The following LAMB4 variants were observed in gnomAD, a reference collection of about 807,000 sequenced individuals.
LAMB4 encodes the protein laminin subunit beta-4.
Under a neutral mutation model 199.2 loss-of-function variants are expected in LAMB4, and 196 were observed. The ratio of observed to expected loss-of-function variants is 0.98; its 90% CI spans 0.88 to 1.11. The LOEUF is 1.11. Ranked by LOEUF, LAMB4 falls within the 50% of genes least tolerant of loss-of-function variation. The pLI is 0.00. For missense variants in LAMB4, 2,080 were observed against 2,171.2 expected (o/e 0.96, Z 0.83); for synonymous variants, 744 against 770.6 (o/e 0.97, Z 0.57).
intron 12 of LAMB4, 53 bp downstream of exon 12, chr7:108,095,175 G>T: frequency 1.5e-6 from 2 of 1,318,768 alleles, no homozygotes; most frequent in Non-Finnish European, 2.2e-6. Context: ...CTAGGCAATG[G>T]CAATAGAAAT....
At chr7:108,081,516 T>C (rs2036941178) in intron 14 of LAMB4, among the ~76,000 whole-genome samples, 1 of 152,220 alleles carries the variant, frequency 6.6e-6, no homozygotes, top group Non-Finnish European at 1.5e-5. Context: ...AACATTTCCT[T>C]AATAAATCAC....
chr7:108,012,089 T>G, the LAMB4 span, among the ~76,000 whole-genome samples: 9 of 149,940 alleles, frequency 6.0e-5, no homozygotes, highest in Admixed American at 1.3e-4. Flanking sequence ...TATAAACACA[T>G]ATGAATAAAG....
chr7:108,127,188 T>C (rs1563118272), intron 1 of LAMB4, among the ~76,000 whole-genome samples: 1 of 63,800 alleles, frequency 1.6e-5, no homozygotes, highest in Non-Finnish European at 4.6e-5. Context: ...TTTTTTTTTG[T>C]GTTTTTTTTT....
intron 29 of LAMB4, among the ~76,000 whole-genome samples, chr7:108,038,543 G>A (rs2035309853): frequency 6.6e-6 from 1 of 152,222 alleles, no homozygotes; most frequent in South Asian, 2.1e-4. Context: ...AAGATGAACT[G>A]TTAGAGCAAG....
In LAMB4 at chr7:108,092,519, C is replaced by T. The variant is rs1012691528; in HGVS notation, c.1471-103G>A. 3.6e-6 allele frequency: 3 copies of T among 842,962 alleles called. No individual in the cohort carries two copies. In the African/African-American group the frequency reaches 5.0e-5, roughly 14 times the overall value. 52.2% of individuals were successfully genotyped at this position (842,962 alleles called of 1,614,324 possible). On this transcript the variant is annotated intron_variant, in intron 12 of 33. Transcript: ENST00000388781. ...ATGCAATTGCCACACGTCAAATAGC[C>T]AAACAGCCTGCACCATCTCAGAGAA...
At position 108,116,008 on chromosome 7, in the gene LAMB4, A is replaced by G. The variant is rs1024766267; in HGVS notation, c.188T>C (p.Leu63Pro). The change falls in exon 3 of 34, where the codon CTG becomes CCG. Residue 63 changes from leucine to proline, a missense_variant. Physicochemically the swap from Leu to Pro is moderately conservative, Grantham distance 98. Coordinates refer to ENST00000388781, the MANE Select transcript of LAMB4 (RefSeq NM_007356.3). ...ATAAACAAAGAGCCAACCCACCTCC[A>G]GGTAACTGAGGATGCAGTATTTCTG... ...RAQKYCILSY[L>P]EGEQKCFICD... The G allele has an allele frequency of 2.5e-6, 4 of 1,611,054 alleles. No individual in the cohort carries two copies. Among genetic ancestry groups the G allele is most frequent in the Admixed American group, 3.3e-5 (2 of 59,722 alleles).
intron 23 of LAMB4, 55 bp from the exon 24 acceptor site, chr7:108,057,983 T>A: frequency 1.7e-6 from 2 of 1,178,088 alleles, no homozygotes; most frequent in Non-Finnish European, 2.5e-6. Flanking sequence ...TAAAAAAAAA[T>A]GCATTTTAAT....
At chr7:108,059,168 T>C (rs2036081015) in intron 23 of LAMB4, among the ~76,000 whole-genome samples, 1 of 141,684 alleles carries the variant, frequency 7.1e-6, no homozygotes, top group African/African-American at 2.6e-5. Flanking sequence ...TGCAGTGGCG[T>C]GATCTCCACT....
intron 11 of LAMB4, among the ~76,000 whole-genome samples, chr7:108,096,636 A>G (rs2037609558): frequency 6.6e-6 from 1 of 152,066 alleles, no homozygotes; most frequent in Admixed American, 6.6e-5. Context: ...ATTATATTCA[A>G]TAAAGCTGTT....
At chr7:108,105,728 C>T (rs1366525786) in intron 8 of LAMB4, 89 bp downstream of exon 8, 2 of 1,127,434 alleles carry the variant, frequency 1.8e-6, no homozygotes, top group African/African-American at 1.5e-5. Context: ...ATTTGTTGAT[C>T]TCCATGTGGA....
intron 14 of LAMB4, among the ~76,000 whole-genome samples, chr7:108,084,492 A>T (rs1355984224): frequency 6.6e-6 from 1 of 151,996 alleles, no homozygotes; most frequent in Non-Finnish European, 1.5e-5. Flanking sequence ...TTTTTGCGAC[A>T]GTGGAGCATG....
intron 29 of LAMB4, among the ~76,000 whole-genome samples, chr7:108,039,381 A>G (rs185211397): frequency 8.5e-5 from 13 of 152,220 alleles, no homozygotes; most frequent in Admixed American, 7.9e-4. Context: ...TTTTGAAGCA[A>G]TGTGACAAGA....
intron 29 of LAMB4, among the ~76,000 whole-genome samples, chr7:108,040,958 G>A (rs1563038511): frequency 1.3e-5 from 2 of 152,114 alleles, no homozygotes; most frequent in African/African-American, 2.4e-5. Context: ...TATCAACAGA[G>A]TAAACACAAC....
chr7:108,095,938 TG>T (rs1489299565), intron 11 of LAMB4, among the ~76,000 whole-genome samples: 2 of 152,174 alleles, frequency 1.3e-5, no homozygotes, highest in African/African-American at 4.8e-5. Context: ...TAAATAAAAG[TG>T]GCACCTCTGT....
chr7:108,124,380 T>C (rs2038704609), intron 1 of LAMB4, among the ~76,000 whole-genome samples: 1 of 152,204 alleles, frequency 6.6e-6, no homozygotes, highest in African/African-American at 2.4e-5. Flanking sequence ...CCTTATTCAC[T>C]ATGATATAGT....
chr7:108,117,722 G>A (rs545169391), intron 2 of LAMB4, among the ~76,000 whole-genome samples: 46 of 152,308 alleles, frequency 3.0e-4, no homozygotes, highest in Middle Eastern at 3.4e-3. Context: ...AGGGCTGCTG[G>A]TTGCCCATTT....
chr7:108,047,424 C>T (rs1482250932), intron 28 of LAMB4, among the ~76,000 whole-genome samples: 2 of 152,090 alleles, frequency 1.3e-5, no homozygotes, highest in African/African-American at 4.8e-5. Context: ...TCTATTTCCT[C>T]TCAATGAATA....
At chr7:108,071,584 G>T (rs2036536951) in intron 17 of LAMB4, among the ~76,000 whole-genome samples, 1 of 152,184 alleles carries the variant, frequency 6.6e-6, no homozygotes, top group African/African-American at 2.4e-5. Context: ...CTGTCAAGCT[G>T]CTCAGTGGAG....
intron 1 of LAMB4, among the ~76,000 whole-genome samples, chr7:108,123,721 A>G (rs1202767203): frequency 1.3e-5 from 2 of 152,228 alleles, no homozygotes; most frequent in Admixed American, 6.5e-5. Context: ...TCCTTGCACA[A>G]ATAATTTTCA....
Sources: allele counts gnomAD v4.1 joint callset (sites outside exome capture counted in the v4.1 genomes callset), GRCh38; gene constraint gnomAD v4.1.1; transcripts MANE v1.5; gene names NCBI Gene and HGNC (gene_info 2026-07-23, HGNC 2026-07-21).